Variants in RFTN1 observed in about 807,000 individuals in gnomAD.
RFTN1 encodes the protein raftlin.
In RFTN1, 26 loss-of-function variants were observed where a neutral mutation model predicts 46.5. That is an observed-to-expected ratio of 0.56 (90% CI 0.41 to 0.78). The LOEUF (loss-of-function observed/expected upper bound fraction) is 0.78. Among genes scored for constraint, RFTN1 ranks in the 30% least tolerant of loss-of-function variants. The pLI is 0.00. For synonymous variants in RFTN1, 261 were observed against 284.2 expected (o/e 0.92, Z 0.82); for missense variants, 693 against 718.7 (o/e 0.96, Z 0.41).
At position 16,479,626 on chromosome 3, in the gene RFTN1, C is replaced by T. The variant is rs1057200474; in HGVS notation, c.145+14099G>A. On this transcript the variant is annotated intron_variant, in intron 2 of 9. Coordinates refer to ENST00000334133, the MANE Select transcript of RFTN1 (RefSeq NM_015150.2). This position sits in a 1 kb window ranked among gnomAD's most constrained non-coding sequence, Gnocchi z 5.1. ...AAGCAAGCCATGATGGACTGAAGACCGGTGAGCCCATGCTCAGGGCATCTT... is the reference window on the plus strand; with the variant it reads ...AAGCAAGCCATGATGGACTGAAGACTGGTGAGCCCATGCTCAGGGCATCTT... 2.0e-5 allele frequency among the ~76,000 whole-genome samples: 3 copies of T among 152,220 alleles called. No homozygotes were observed. The East Asian group carries it at 5.8e-4, about 29-fold the overall frequency.
chr3:16,411,243 TCTAA>T (rs1365179748), intron 3 of RFTN1, among the ~76,000 whole-genome samples: 1 of 152,208 alleles, frequency 6.6e-6, no homozygotes, highest in African/African-American at 2.4e-5. Flanking sequence ...CTCACCAGTT[TCTAA>T]CTGTGTATTT....
chr3:16,485,004 T>C (rs1460788346), intron 2 of RFTN1, among the ~76,000 whole-genome samples: 1 of 152,264 alleles, frequency 6.6e-6, no homozygotes, highest in Non-Finnish European at 1.5e-5. Flanking sequence ...TCTACTCTCA[T>C]ACATTGTTGT....
chr3:16,391,884 TTTTTTTTTTG>T lies in RFTN1; in HGVS notation c.442-13792_442-13783del, dbSNP rs1403808635. Among the ~76,000 whole-genome samples, 27 of 42,630 alleles carry T rather than the reference TTTTTTTTTTG, an allele frequency of 6.3e-4. 4 individuals carry two copies. Among genetic ancestry groups the T allele is most frequent in the South Asian group, 2.1e-3 (4 of 1,940 alleles). 28.0% of individuals were successfully genotyped at this position (42,630 alleles called of 152,430 possible). On this transcript the variant is annotated intron_variant, in intron 4 of 9. Coordinates refer to ENST00000334133, the MANE Select transcript of RFTN1 (RefSeq NM_015150.2). Reference sequence around the variant, plus strand: ...TTTTTTTTTTGTTTTTTTTTTTTGTTTTTTTTTTTGTTTTTTTTACGGGGAAGAAAGCTAA... The same window carrying T: ...TTTTTTTTTTGTTTTTTTTTTTTGTTTTTTTTTTACGGGGAAGAAAGCTAA...
At position 16,322,182 on chromosome 3, in the gene RFTN1, T is replaced by A. The variant is rs538180; in HGVS notation, c.1332+1194A>T. On this transcript the variant is annotated intron_variant, in intron 9 of 9. Coordinates refer to ENST00000334133, the MANE Select transcript of RFTN1 (RefSeq NM_015150.2). This position sits in a 1 kb window ranked among gnomAD's most constrained non-coding sequence, Gnocchi z 6.2. Reference sequence around the variant, plus strand: ...CTGGTGGCTGCCTGCTCCTGGTGGTTGATGGTGGGCTGGCAGTTCCCTTCT... The same window carrying A: ...CTGGTGGCTGCCTGCTCCTGGTGGTAGATGGTGGGCTGGCAGTTCCCTTCT... Among the ~76,000 whole-genome samples the A allele has an allele frequency of 0.34, 52,324 of 152,084 alleles. 9,898 individuals carry two copies. Among genetic ancestry groups the A allele is most frequent in the Non-Finnish European group, 0.42 (28,280 of 67,982 alleles).
intron 4 of RFTN1, among the ~76,000 whole-genome samples, chr3:16,397,207 T>C (rs1575218648): frequency 6.6e-6 from 1 of 152,170 alleles, no homozygotes; most frequent in East Asian, 1.9e-4. Context: ...ACAACATGGA[T>C]AAACCTAGAG....
chr3:16,406,634 AC>A (rs2074864306), intron 4 of RFTN1, among the ~76,000 whole-genome samples: 1 of 152,226 alleles, frequency 6.6e-6, no homozygotes, highest in Non-Finnish European at 1.5e-5. Flanking sequence ...TATTTTCAAA[AC>A]GTTAAGAACA....
At chr3:16,363,860 C>T (rs1015014793) in intron 6 of RFTN1, among the ~76,000 whole-genome samples, 6 of 86,592 alleles carry the variant, frequency 6.9e-5, no homozygotes, top group Non-Finnish European at 9.7e-5. Context: ...CTTGGCACCA[C>T]CTTGATTCCA....
At chr3:16,416,389 G>A (rs1343851159) in intron 3 of RFTN1, among the ~76,000 whole-genome samples, 1 of 152,186 alleles carries the variant, frequency 6.6e-6, no homozygotes, top group East Asian at 1.9e-4. Flanking sequence ...ACTAAATGCA[G>A]TATAGTACCC....
rs770838916 is a variant in RFTN1, at chr3:16,338,007, G to A, written c.1147-11131C>T. On this transcript the variant is annotated intron_variant, in intron 7 of 9. Coordinates refer to ENST00000334133, the MANE Select transcript of RFTN1 (RefSeq NM_015150.2). This position sits in a 1 kb window ranked among gnomAD's most constrained non-coding sequence, Gnocchi z 5.3. ...GATAAAAACCCACACTGGGTAGATC[G>A]TCCTAGCTCGAGATGTTGCCCTGGC... Among the ~76,000 whole-genome samples the A allele has an allele frequency of 1.3e-5, 2 of 152,010 alleles. No individual in the cohort carries two copies. The highest frequency in any genetic ancestry group is 2.1e-4 in the South Asian group (1 of 4,828).
intron 2 of RFTN1, among the ~76,000 whole-genome samples, chr3:16,490,528 C>T (rs192605707): frequency 6.6e-6 from 1 of 152,310 alleles, no homozygotes; most frequent in East Asian, 1.9e-4. Flanking sequence ...CTTCATCCAT[C>T]CAGGGGAACC....
chr3:16,415,409 G>GTATATATATATATATATATATATATATA (rs367960866), intron 3 of RFTN1, among the ~76,000 whole-genome samples: 8 of 104,566 alleles, frequency 7.7e-5, no homozygotes, highest in Admixed American at 3.3e-4. Flanking sequence ...AGACAGTTGA[G>GTATATATATATATATATATATATATATA]TATATATATA....
In RFTN1 at chr3:16,480,034, C is replaced by A. The variant is rs1050483351; in HGVS notation, c.145+13691G>T. Among the ~76,000 whole-genome samples the A allele has an allele frequency of 6.6e-6, 1 of 152,216 alleles. No individual in the cohort carries two copies. On this transcript the variant is annotated intron_variant, in intron 2 of 9. Coordinates refer to ENST00000334133, the MANE Select transcript of RFTN1 (RefSeq NM_015150.2). This position sits in a 1 kb window ranked among gnomAD's most constrained non-coding sequence, Gnocchi z 4.3. ...GGGATGTTTCAGACGCTGTTTCCTA[C>A]ATTGAGAGACCTTACTATCTTGTTC...
chr3:16,332,119 C>T (rs968735396), intron 7 of RFTN1, among the ~76,000 whole-genome samples: 1 of 151,978 alleles, frequency 6.6e-6, no homozygotes, highest in African/African-American at 2.4e-5. Flanking sequence ...AAGGATTGTT[C>T]ACCTGATGGC....
At chr3:16,340,692 G>A (rs1321148813) in intron 7 of RFTN1, among the ~76,000 whole-genome samples, 1 of 152,226 alleles carries the variant, frequency 6.6e-6, no homozygotes, top group Non-Finnish European at 1.5e-5. Context: ...TAACTCTGCA[G>A]TTATAGATTT....
rs2076065834 is a variant in RFTN1 at position 16,465,015 on chromosome 3, A to T, written c.145+28710T>A. 6.6e-6 allele frequency among the ~76,000 whole-genome samples: 1 copy of T among 152,204 alleles called. No individual in the cohort carries two copies. Among genetic ancestry groups the T allele is most frequent in the African/African-American group, 2.4e-5 (1 of 41,452 alleles). ...CCCATCACAATGATTTATTACAATC[A>T]TTTTTTAAGATTAACACAACAAGGA... On this transcript the variant is annotated intron_variant, in intron 2 of 9. Transcript: ENST00000334133. This position sits in a 1 kb window ranked among gnomAD's most constrained non-coding sequence, Gnocchi z 5.1.
intron 4 of RFTN1, among the ~76,000 whole-genome samples, chr3:16,388,798 A>G (rs2074275294): frequency 6.6e-6 from 1 of 152,214 alleles, no homozygotes; most frequent in African/African-American, 2.4e-5. Flanking sequence ...AGATGAGGCA[A>G]TGTAGGTCCC....
rs1220198347 is a variant in RFTN1 at position 16,490,133 on chromosome 3, T to G, written c.145+3592A>C. On this transcript the variant is annotated intron_variant, in intron 2 of 9. Coordinates refer to ENST00000334133, the MANE Select transcript of RFTN1 (RefSeq NM_015150.2). ...CTATGCAAGACAGGCTCATCTCAGC[T>G]AGAAAGCTGAACAAGGAAGACAAAC... is the stretch of plus-strand genomic sequence containing the variant. 2.0e-5 allele frequency among the ~76,000 whole-genome samples: 3 copies of G among 152,210 alleles called. No individual in the cohort carries two copies. In the East Asian group the frequency reaches 5.8e-4, roughly 29 times the overall value.
intron 3 of RFTN1, among the ~76,000 whole-genome samples, chr3:16,411,371 A>C (rs933481545): frequency 6.6e-6 from 1 of 152,214 alleles, no homozygotes; most frequent in Admixed American, 6.5e-5. Flanking sequence ...AAAAAAATGA[A>C]AGAGGATTTG....
rs2070974615 is a variant in RFTN1, at chr3:16,337,559, T to C, written c.1147-10683A>G. 6.6e-6 allele frequency among the ~76,000 whole-genome samples: 1 copy of C among 151,756 alleles called. No homozygotes were observed. The highest frequency in any genetic ancestry group is 2.1e-4 in the South Asian group (1 of 4,806). The stretch of plus-strand genomic sequence containing the variant: ...GAGATCGAGACCACCCTGGCCAACA[T>C]GGTGAAACCTCGTCTCTACTAAAAA... On this transcript the variant is annotated intron_variant, in intron 7 of 9. Coordinates refer to ENST00000334133, the MANE Select transcript of RFTN1 (RefSeq NM_015150.2). The surrounding 1 kb of genome is among the most constrained non-coding windows in gnomAD (Gnocchi z 5.0).
Sources: allele counts gnomAD v4.1 joint callset (sites outside exome capture counted in the v4.1 genomes callset), GRCh38; gene constraint gnomAD v4.1.1; non-coding constraint Gnocchi (gnomAD v3.1); transcripts MANE v1.5; gene names NCBI Gene and HGNC (gene_info 2026-07-23, HGNC 2026-07-21).